KLHDC4: variants seen among roughly 807,000 people sequenced by gnomAD.
KLHDC4 encodes kelch domain containing 4.
In KLHDC4, 90 loss-of-function variants were observed where a neutral mutation model predicts 62.4. The ratio of observed to expected loss-of-function variants is 1.44; its 90% CI spans 1.22 to 1.72. The LOEUF is 1.72. KLHDC4 is among the 40% of genes most tolerant of loss of function. KLHDC4 has a pLI of 0.00. For missense variants in KLHDC4, 1,025 were observed against 699.7 expected (o/e 1.47, Z -5.25); for synonymous variants, 386 against 284.4 (o/e 1.36, Z -3.59).
downstream of KLHDC4, chr16:87,702,925 G>A (rs564885842): frequency 6.6e-6 from 1 of 152,438 alleles, no homozygotes; most frequent in East Asian, 1.9e-4. Context: ...AAGATAGCTT[G>A]ATTACTTATG....
chr16:87,721,437 A>AT (rs2038319511), intron 7 of KLHDC4, among the ~76,000 whole-genome samples: 1 of 151,558 alleles, frequency 6.6e-6, no homozygotes, highest in South Asian at 2.1e-4. Flanking sequence ...AAAAAAAAAA[A>AT]AATACACCCA....
rs547513713 is a variant in KLHDC4, at chr16:87,714,559, G to A, written c.774C>T (p.Asp258=). The A allele has an allele frequency of 3.7e-5, 59 of 1,614,108 alleles. No homozygotes were observed. Among genetic ancestry groups the A allele is most frequent in the South Asian group, 5.5e-5 (5 of 91,082 alleles). ...GGYSKQRVKK[D]VDKGTRHSDM... ...CTGAGTGCCGTGTGCCCTTGTCCAC[G>A]TCTTTCTTAACTCTCTGCAATGGAA... is the stretch of plus-strand genomic sequence containing the variant. Residue 258 remains aspartate, a synonymous_variant, in exon 8 of 12, where the codon GAC becomes GAT. Transcript: ENST00000270583.
At chr16:87,758,666 T>A (rs8063789) in intron 2 of KLHDC4, among the ~76,000 whole-genome samples, 1 of 151,860 alleles carries the variant, frequency 6.6e-6, no homozygotes, top group Non-Finnish European at 1.5e-5. Context: ...ACACTAACAA[T>A]AGCTGATGAG....
intron 7 of KLHDC4, among the ~76,000 whole-genome samples, chr16:87,721,979 G>C (rs759211130): frequency 6.6e-6 from 1 of 152,034 alleles, no homozygotes; most frequent in African/African-American, 2.4e-5. Flanking sequence ...CATTTCCAAA[G>C]AGCTGTGCTG....
intron 7 of KLHDC4, among the ~76,000 whole-genome samples, chr16:87,722,727 C>G (rs2038635473): frequency 6.6e-6 from 1 of 152,252 alleles, no homozygotes; most frequent in Non-Finnish European, 1.5e-5. Context: ...GGGGGTTCTG[C>G]ATAGAGGAGA....
rs181425785 is a variant in KLHDC4, at chr16:87,759,091, G to C, written c.192-2614C>G. ...TTGGGAGGCTGAGGAAGAATTGCTT[G>C]AACCTGGGAGGTGGAGGTTGCGGTG... On this transcript the variant is annotated intron_variant, in intron 2 of 11. Transcript: ENST00000270583. Among the ~76,000 whole-genome samples the C allele has an allele frequency of 3.4e-4, 52 of 152,262 alleles. No homozygotes were observed. In the East Asian group the frequency reaches 8.7e-3, roughly 25 times the overall value.
Position 87,764,812 on chromosome 16 carries a change from GAC to G in KLHDC4, c.99+978_99+979del, listed in dbSNP as rs1177415584. On this transcript the variant is annotated intron_variant, in intron 1 of 11. Transcript: ENST00000270583. ...CATGCCACTGCAGCCCAGCCTAGGT[GAC>G]AGAGCAAGACTCTGTCAAAAAAAAA... Among the ~76,000 whole-genome samples the G allele has an allele frequency of 6.7e-5, 9 of 134,310 alleles. No individual in the cohort carries two copies. The East Asian group carries it at 1.5e-3, about 23-fold the overall frequency. 88.1% of individuals were successfully genotyped at this position (134,310 alleles called of 152,430 possible). A position where few individuals can be genotyped will look rare whatever the true frequency, so the allele number is the denominator to read the frequency against.
exon 1 of KLHDC4, chr16:87,700,121 G>A (rs547983327): frequency 6.6e-6 from 1 of 152,538 alleles, no homozygotes; most frequent in East Asian, 1.9e-4. Context: ...GGGACAGTGC[G>A]GATTTCACCT....
At chr16:87,717,612 G>A (rs2037259374) in intron 7 of KLHDC4, among the ~76,000 whole-genome samples, 1 of 152,234 alleles carries the variant, frequency 6.6e-6, no homozygotes, top group Non-Finnish European at 1.5e-5. Context: ...TACAGACAGT[G>A]ATTGAGACTA....
chr16:87,765,834 G>A lies in KLHDC4; in HGVS notation c.57C>T (p.Ala19=). 1 of 1,560,692 alleles carries A rather than the reference G, an allele frequency of 6.4e-7. No homozygotes were observed. The highest frequency in any genetic ancestry group is 8.7e-7 in the Non-Finnish European group (1 of 1,151,798). ...GCTTAGACACCTTCTTCTCCATCTT[G>A]GCGGCCGTCTTCTCCGCGCCGCGGC... ...KKGRGAEKTA[A]KMEKKVSKRS... Residue 19 remains alanine (A), a synonymous_variant, in exon 1 of 12, where the codon GCC becomes GCT. Coordinates refer to ENST00000270583, the MANE Select transcript of KLHDC4 (RefSeq NM_017566.4).
chr16:87,759,413 C>G (rs1451399355), intron 2 of KLHDC4, among the ~76,000 whole-genome samples: 1 of 149,536 alleles, frequency 6.7e-6, no homozygotes, highest in Non-Finnish European at 1.5e-5. Context: ...AGCAAAACTC[C>G]GTCTCAGAAA....
At position 87,709,746 on chromosome 16, in the gene KLHDC4, C is replaced by G. The variant is rs987433933; in HGVS notation, c.1045-79G>C. On this transcript the variant is annotated intron_variant, in intron 9 of 11. Transcript: ENST00000270583. The stretch of plus-strand genomic sequence containing the variant: ...TTCCTGCTATGCCCACAAGGCCAGG[C>G]AAGGGTTTGCGGGGACCACCCACAA... 3 of 1,450,440 alleles carry G rather than the reference C, an allele frequency of 2.1e-6. 1 individual carries two copies. The East Asian group carries it at 7.5e-5, about 36-fold the overall frequency. The allele number at this position is 1,450,440 out of a possible 1,614,324, so 89.8% of individuals were successfully genotyped here. A position where few individuals can be genotyped will look rare whatever the true frequency, so the allele number is the denominator to read the frequency against.
intron 7 of KLHDC4, among the ~76,000 whole-genome samples, chr16:87,720,242 C>T (rs865783885): frequency 6.6e-6 from 1 of 152,264 alleles, no homozygotes; most frequent in African/African-American, 2.4e-5. Flanking sequence ...GAGAAGACGG[C>T]CAGACGACTG....
downstream of KLHDC4, among the ~76,000 whole-genome samples, chr16:87,704,173 C>G (rs549690021): frequency 2.6e-5 from 4 of 152,262 alleles, no homozygotes; most frequent in African/African-American, 9.6e-5. Context: ...CTCCAACACC[C>G]GAGTGCCACG....
chr16:87,757,142 A>T (rs1443287562), intron 2 of KLHDC4, among the ~76,000 whole-genome samples: 1 of 151,684 alleles, frequency 6.6e-6, no homozygotes, highest in Non-Finnish European at 1.5e-5. Flanking sequence ...TTAAGAGCCT[A>T]TCCTGTCAAA....
At chr16:87,709,711 G>C (rs2035392411) in intron 9 of KLHDC4, 44 bp from the exon 10 acceptor site, 1 of 1,513,018 alleles carries the variant, frequency 6.6e-7, no homozygotes, top group Non-Finnish European at 8.9e-7. Flanking sequence ...CTTCAGCGAG[G>C]CAGGGGTCAT....
intron 7 of KLHDC4, among the ~76,000 whole-genome samples, chr16:87,726,020 C>A (rs1322636542): frequency 1.3e-5 from 2 of 152,098 alleles, no homozygotes; most frequent in African/African-American, 4.8e-5. Context: ...AGGGCCCTAA[C>A]ACGGCACCAA....
Position 87,712,372 on chromosome 16 carries a change from G to A in KLHDC4, c.836-929C>T, listed in dbSNP as rs1429845693. ...GTGTGGGCGTGGCTCTGGGGCCCCC[G>A]CCTCATTCCCACCAGCACATGACTG... On this transcript the variant is annotated intron_variant, in intron 8 of 11. Coordinates refer to ENST00000270583, the MANE Select transcript of KLHDC4 (RefSeq NM_017566.4). Among the ~76,000 whole-genome samples, 7 of 152,044 alleles carry A rather than the reference G, an allele frequency of 4.6e-5. No individual in the cohort carries two copies. The East Asian group carries it at 5.8e-4, about 13-fold the overall frequency.
chr16:87,727,152 C>T (rs896201443), intron 6 of KLHDC4, among the ~76,000 whole-genome samples: 1 of 146,928 alleles, frequency 6.8e-6, no homozygotes, highest in East Asian at 2.0e-4. Flanking sequence ...TCAATCTTGA[C>T]GCAATCTACC....
Sources: allele counts gnomAD v4.1 joint callset (sites outside exome capture counted in the v4.1 genomes callset), GRCh38; gene constraint gnomAD v4.1.1; transcripts MANE v1.5; gene names NCBI Gene and HGNC (gene_info 2026-07-23, HGNC 2026-07-21).